MEGF10: variants seen among roughly 807,000 people sequenced by gnomAD.
The protein encoded by MEGF10 is multiple epidermal growth factor-like domains protein 10.
In MEGF10, 86 loss-of-function variants were observed where a neutral mutation model predicts 147.5. That is an observed-to-expected ratio of 0.58 (90% confidence interval 0.49 to 0.70). The LOEUF is 0.70. Among genes scored for constraint, MEGF10 ranks in the 30% least tolerant of loss-of-function variants. MEGF10 has a pLI of 0.00. For missense variants in MEGF10, 1,329 were observed against 1,487.3 expected, an observed-to-expected ratio of 0.89 and a Z score of 1.75; for synonymous variants, 478 against 525.5, an observed-to-expected ratio of 0.91 and a Z score of 1.24.
At chr5:127,251,756 A>G in the MEGF10 span, among the ~76,000 whole-genome samples, 1 of 152,166 alleles carries the variant, frequency 6.6e-6, no homozygotes, top group Non-Finnish European at 1.5e-5. Flanking sequence ...GAAGTAAGAT[A>G]TAAAACATTA....
the MEGF10 span, among the ~76,000 whole-genome samples, chr5:127,267,458 C>T: frequency 6.6e-6 from 1 of 152,094 alleles, no homozygotes; most frequent in Non-Finnish European, 1.5e-5. Flanking sequence ...GGGAGGCTTC[C>T]CTCTTTTTCT....
the MEGF10 span, among the ~76,000 whole-genome samples, chr5:127,276,028 C>T: frequency 1.7e-4 from 26 of 152,302 alleles, no homozygotes; most frequent in East Asian, 4.6e-3. Context: ...CTGAGCAGGG[C>T]TGGGTAACCA....
intron 13 of MEGF10, among the ~76,000 whole-genome samples, chr5:127,423,135 C>CA (rs1160164839): frequency 6.6e-6 from 1 of 151,470 alleles, no homozygotes; most frequent in Non-Finnish European, 1.5e-5. Context: ...CTTAGTGAGG[C>CA]AAAAAAATAC....
the MEGF10 span, among the ~76,000 whole-genome samples, chr5:127,241,431 T>C: frequency 6.6e-6 from 1 of 152,124 alleles, no homozygotes. Context: ...TATTCATTGA[T>C]ATAGGGTGAA....
chr5:127,264,642 G>A, the MEGF10 span, among the ~76,000 whole-genome samples: 2 of 151,950 alleles, frequency 1.3e-5, no homozygotes, highest in Non-Finnish European at 2.9e-5. Context: ...TCAATCCCAT[G>A]GAAAAGAGAT....
the MEGF10 span, among the ~76,000 whole-genome samples, chr5:127,266,002 A>C: frequency 7.9e-5 from 12 of 152,262 alleles, 1 homozygote; most frequent in Admixed American, 5.2e-4. Flanking sequence ...TCCCATGCCT[A>C]TGTCCTGAAT....
the MEGF10 span, among the ~76,000 whole-genome samples, chr5:127,249,522 T>G: frequency 6.6e-6 from 1 of 151,894 alleles, no homozygotes; most frequent in Non-Finnish European, 1.5e-5. Flanking sequence ...GAATATGAAC[T>G]GCAAGATAGT....
At chr5:127,444,800 T>C (rs1765880163) in intron 19 of MEGF10, 1 of 152,538 alleles carries the variant, frequency 6.6e-6, no homozygotes, top group Admixed American at 6.5e-5. Flanking sequence ...AAAAGACCCA[T>C]TGAAATTAGC....
At chr5:127,406,053 G>A (rs1764308833) in intron 8 of MEGF10, among the ~76,000 whole-genome samples, 1 of 152,094 alleles carries the variant, frequency 6.6e-6, no homozygotes, top group Non-Finnish European at 1.5e-5. Context: ...TGGGGTAAGG[G>A]AGACACAAGA....
At chr5:127,306,652 G>T (rs1760026298) in intron 1 of MEGF10, among the ~76,000 whole-genome samples, 1 of 152,204 alleles carries the variant, frequency 6.6e-6, no homozygotes, top group Non-Finnish European at 1.5e-5. Flanking sequence ...GCCCATCATT[G>T]TTGGCAGCTA....
At chr5:127,334,733 C>T (rs1019029928) in intron 2 of MEGF10, among the ~76,000 whole-genome samples, 1 of 152,016 alleles carries the variant, frequency 6.6e-6, no homozygotes, top group Admixed American at 6.6e-5. Flanking sequence ...TGAGCTTTTC[C>T]ATTCAGTGGG....
chr5:127,343,979 G>T (rs150392227), intron 4 of MEGF10, among the ~76,000 whole-genome samples: 288 of 152,232 alleles, frequency 1.9e-3, no homozygotes, highest in African/African-American at 6.5e-3. Flanking sequence ...CAGGATGGTG[G>T]TAGGACCATG....
intron 17 of MEGF10, among the ~76,000 whole-genome samples, chr5:127,439,215 A>G (rs1765665167): frequency 6.6e-6 from 1 of 152,184 alleles, no homozygotes; most frequent in Non-Finnish European, 1.5e-5. Context: ...TTTTAGCATG[A>G]TAGGATATAG....
intron 6 of MEGF10, among the ~76,000 whole-genome samples, chr5:127,398,454 G>A (rs1764005113): frequency 6.6e-6 from 1 of 152,094 alleles, no homozygotes; most frequent in Non-Finnish European, 1.5e-5. Flanking sequence ...TCTTCAAACC[G>A]AAATGGCTTT....
chr5:127,242,722 G>A, the MEGF10 span, among the ~76,000 whole-genome samples: 1 of 151,970 alleles, frequency 6.6e-6, no homozygotes. Flanking sequence ...CGTTTGAAAT[G>A]GAACTGAAAG....
chr5:127,438,078 A>G (rs977417665), intron 16 of MEGF10, among the ~76,000 whole-genome samples: 1 of 151,926 alleles, frequency 6.6e-6, no homozygotes, highest in Admixed American at 6.6e-5. Context: ...CTTCCAGAGG[A>G]TGGTTTGGAC....
At chr5:127,403,495 C>T (rs938460357) in intron 8 of MEGF10, among the ~76,000 whole-genome samples, 43 of 152,110 alleles carry the variant, frequency 2.8e-4, no homozygotes, top group Admixed American at 2.0e-3. Context: ...TTACTATTGA[C>T]CATAGTCACC....
chr5:127,372,103 A>G (rs1414038934), intron 5 of MEGF10, among the ~76,000 whole-genome samples: 1 of 152,186 alleles, frequency 6.6e-6, no homozygotes, highest in Non-Finnish European at 1.5e-5. Flanking sequence ...GTAATATGCT[A>G]CTTAGCAAAA....
chr5:127,450,899 C>T (rs1017641502), intron 22 of MEGF10, among the ~76,000 whole-genome samples: 13 of 152,114 alleles, frequency 8.5e-5, no homozygotes, highest in Non-Finnish European at 1.8e-4. Flanking sequence ...GCTGGGATTA[C>T]AGATGTGCAC....
Sources: allele counts gnomAD v4.1 joint callset (sites outside exome capture counted in the v4.1 genomes callset), GRCh38; gene constraint gnomAD v4.1.1; transcripts MANE v1.5; gene names NCBI Gene and HGNC (gene_info 2026-07-23, HGNC 2026-07-21).